TRPM1: variants seen among roughly 807,000 people sequenced by gnomAD.
TRPM1 encodes transient receptor potential cation channel subfamily M member 1, also known as TRPM1-203 APA Isoform, Intron 10.
In TRPM1, 113 loss-of-function variants were observed where a neutral mutation model predicts 149.4. That is an observed-to-expected ratio of 0.76 (90% confidence interval 0.65 to 0.88). The LOEUF (loss-of-function observed/expected upper bound fraction) is 0.88, where lower values mean the gene tolerates loss of function less well. Among genes scored for constraint, TRPM1 ranks in the 40% least tolerant of loss-of-function variants. The pLI, the probability that TRPM1 is intolerant of heterozygous loss-of-function variation, is 0.00. For synonymous variants in TRPM1, 741 were observed against 759.5 expected, an observed-to-expected ratio of 0.98 and a Z score of 0.40; for missense variants, 1,976 against 2,038.7, an observed-to-expected ratio of 0.97 and a Z score of 0.59.
intron 7 of TRPM1, among the ~76,000 whole-genome samples, chr15:31,064,607 AC>A (rs1203759123): frequency 6.6e-6 from 1 of 152,222 alleles, no homozygotes; most frequent in Non-Finnish European, 1.5e-5. Flanking sequence ...ATCGATATTA[AC>A]TAAAGGCAAG....
At chr15:31,043,340 C>A (rs2033674799) in intron 16 of TRPM1, among the ~76,000 whole-genome samples, 1 of 152,044 alleles carries the variant, frequency 6.6e-6, no homozygotes, top group South Asian at 2.1e-4. Context: ...CTACAGGTGC[C>A]CGCCACCACG....
At chr15:31,088,730 C>A (rs1249625952) in intron 1 of TRPM1, among the ~76,000 whole-genome samples, 1 of 150,688 alleles carries the variant, frequency 6.6e-6, no homozygotes, top group African/African-American at 2.4e-5. Context: ...ACTGAAGCGG[C>A]GGTATTCGTC....
intron 1 of TRPM1, among the ~76,000 whole-genome samples, chr15:31,114,608 A>G (rs1004727597): frequency 7.9e-5 from 12 of 152,246 alleles, no homozygotes; most frequent in Non-Finnish European, 1.5e-5. Context: ...TCTTCTATAC[A>G]GCAGACTGCT....
intron 2 of TRPM1, among the ~76,000 whole-genome samples, chr15:31,079,427 G>T (rs1476941690): frequency 1.3e-5 from 2 of 152,236 alleles, no homozygotes; most frequent in African/African-American, 4.8e-5. Context: ...TCATGTGGTT[G>T]TTGGCCCAGG....
intron 16 of TRPM1, among the ~76,000 whole-genome samples, chr15:31,042,998 T>C (rs1195489393): frequency 6.6e-6 from 1 of 152,244 alleles, no homozygotes; most frequent in Non-Finnish European, 1.5e-5. Context: ...TCCCATCAGT[T>C]ATCTTCTTTT....
chr15:31,103,794 CAG>C (rs1417199925), upstream of TRPM1, among the ~76,000 whole-genome samples: 1 of 129,264 alleles, frequency 7.7e-6, no homozygotes. Flanking sequence ...GCCTGGGTGA[CAG>C]AGTGAGACTC....
intron 27 of TRPM1, among the ~76,000 whole-genome samples, chr15:31,003,333 G>T (rs1008421621): frequency 1.3e-5 from 2 of 152,172 alleles, no homozygotes; most frequent in Non-Finnish European, 2.9e-5. Flanking sequence ...TCACTAACAG[G>T]TACTTACTGA....
chr15:31,014,415 T>C (rs1406469430), intron 27 of TRPM1, among the ~76,000 whole-genome samples: 1 of 152,170 alleles, frequency 6.6e-6, no homozygotes, highest in Non-Finnish European at 1.5e-5. Context: ...TTCTTTCTGC[T>C]CCTACTGGTA....
At chr15:31,029,819 T>G (rs1255254055) in intron 23 of TRPM1, among the ~76,000 whole-genome samples, 1 of 152,096 alleles carries the variant, frequency 6.6e-6, no homozygotes, top group Non-Finnish European at 1.5e-5. Context: ...AAAACCTACA[T>G]TTAATTATGT....
intron 1 of TRPM1, among the ~76,000 whole-genome samples, chr15:31,090,636 C>G (rs1320951795): frequency 6.9e-6 from 1 of 143,946 alleles, no homozygotes; most frequent in South Asian, 2.3e-4. Flanking sequence ...GACTCCATCT[C>G]AAAAACAAAA....
chr15:31,018,274 C>A (rs1437909057), intron 27 of TRPM1, among the ~76,000 whole-genome samples: 1 of 152,108 alleles, frequency 6.6e-6, no homozygotes, highest in Non-Finnish European at 1.5e-5. Flanking sequence ...TGGTCTCGAA[C>A]CCCTGACCTC....
intron 1 of TRPM1, among the ~76,000 whole-genome samples, chr15:31,109,592 A>G (rs2035657063): frequency 6.7e-6 from 1 of 149,162 alleles, no homozygotes; most frequent in Admixed American, 6.7e-5. Flanking sequence ...CCCAGCTATT[A>G]TGGAGGCTGA....
chr15:31,019,835 A>C (rs1458170547), intron 27 of TRPM1, among the ~76,000 whole-genome samples: 1 of 150,640 alleles, frequency 6.6e-6, no homozygotes, highest in Non-Finnish European at 1.5e-5. Context: ...CACCTGGCTA[A>C]TTTTTGCATT....
chr15:31,071,980 CATATATATATATATATAT>C (rs71471861), intron 3 of TRPM1, among the ~76,000 whole-genome samples: 17 of 77,284 alleles, frequency 2.2e-4, no homozygotes, highest in South Asian at 5.3e-4. Context: ...AAAAAAAAAA[CATATATATATATATATAT>C]ATATATATAT....
intron 27 of TRPM1, among the ~76,000 whole-genome samples, chr15:31,004,155 C>T (rs983895542): frequency 2.0e-5 from 3 of 152,098 alleles, no homozygotes; most frequent in African/African-American, 7.2e-5. Flanking sequence ...TTTCTCCCAG[C>T]TTTCTTAAAA....
At chr15:31,027,140 C>T (rs1241095011) in intron 25 of TRPM1, 23 bp from the exon 26 acceptor site, 7 of 1,606,258 alleles carry the variant, frequency 4.4e-6, no homozygotes, top group South Asian at 1.1e-5. Flanking sequence ...GACATTTTTA[C>T]AGTTAGTTAT....
At chr15:31,013,874 TTAGA>T (rs2140880857) in intron 27 of TRPM1, among the ~76,000 whole-genome samples, 1 of 152,356 alleles carries the variant, frequency 6.6e-6, no homozygotes, top group South Asian at 2.1e-4. Flanking sequence ...CAGTTAATAC[TTAGA>T]GATTTCCTTA....
chr15:31,060,636 C>G lies in TRPM1; in HGVS notation c.1171G>C (p.Val391Leu). 1 of 1,614,000 alleles carries G rather than the reference C, an allele frequency of 6.2e-7. No individual in the cohort carries two copies. The highest frequency in any genetic ancestry group is 8.5e-7 in the Non-Finnish European group (1 of 1,179,912). ...AAGCTCAGCTGATCTGGAGCAGATA[C>G]GTTTGTTCCTGGAAAGGCAAGAAAC... is the stretch of plus-strand genomic sequence containing the variant. ...ILTALLKGTN[V>L]SAPDQLSLAL... The change falls in exon 11 of 28, where the codon GTA (valine) becomes CTA (leucine). Residue 391 changes from valine (V) to leucine (L), a missense_variant. Coordinates refer to ENST00000256552, the MANE Select transcript of TRPM1 (RefSeq NM_001252024.2).
intron 6 of TRPM1, 77 bp downstream of exon 6, chr15:31,066,986 G>A: frequency 6.3e-7 from 1 of 1,584,596 alleles, no homozygotes; most frequent in Non-Finnish European, 8.7e-7. Flanking sequence ...TCTTACAACT[G>A]CATCTGAATC....
Sources: allele counts gnomAD v4.1 joint callset (sites outside exome capture counted in the v4.1 genomes callset), GRCh38; gene constraint gnomAD v4.1.1; transcripts MANE v1.5; gene names NCBI Gene and HGNC (gene_info 2026-07-23, HGNC 2026-07-21).